Variants in NAV1 observed in about 807,000 individuals in gnomAD.
NAV1 encodes neuron navigator 1, also known as pore membrane and/or filament interacting like protein 3.
Under a neutral mutation model 175.2 loss-of-function variants are expected in NAV1, and 18 were observed. That is an observed-to-expected ratio of 0.10 (90% confidence interval 0.07 to 0.15). The LOEUF (loss-of-function observed/expected upper bound fraction) is 0.15. Ranked by LOEUF, NAV1 falls within the 10% of genes least tolerant of loss-of-function variation. The pLI, the probability that NAV1 is intolerant of heterozygous loss-of-function variation, is 1.00. For synonymous variants in NAV1, 897 were observed against 978.7 expected, an observed-to-expected ratio of 0.92 and a Z score of 1.56; for missense variants, 1,731 against 2,436.6, an observed-to-expected ratio of 0.71 and a Z score of 6.10.
intron 2 of NAV1, among the ~76,000 whole-genome samples, chr1:201,612,540 G>A (rs148264472): frequency 2.3e-4 from 35 of 152,356 alleles, no homozygotes; most frequent in African/African-American, 8.2e-4. Flanking sequence ...GGTGCCAGCA[G>A]ATTTGGTGTC....
At position 201,671,754 on chromosome 1, in the gene NAV1, C is replaced by T. The variant is rs1008924816; in HGVS notation, c.757+22329C>T. On this transcript the variant is annotated intron_variant, in intron 1 of 29. Transcript: ENST00000367296. Reference sequence around the variant, plus strand: ...ATCTCCTAGCTATCTGGTCAGCAGACCTGGCCATAAGGGGCTCTGGTCTGG... The same window carrying T: ...ATCTCCTAGCTATCTGGTCAGCAGATCTGGCCATAAGGGGCTCTGGTCTGG... Among the ~76,000 whole-genome samples, 39 of 152,286 alleles carry T rather than the reference C, an allele frequency of 2.6e-4. 1 individual carries two copies. The highest frequency in any genetic ancestry group is 2.5e-3 in the Admixed American group (38 of 15,300).
intron 2 of NAV1, among the ~76,000 whole-genome samples, chr1:201,633,412 C>T (rs904091991): frequency 6.6e-6 from 1 of 152,162 alleles, no homozygotes; most frequent in Non-Finnish European, 1.5e-5. Context: ...TGTCTGAGGA[C>T]ATCCAGCTAG....
In NAV1 at chr1:201,553,479, C is replaced by T. The variant is rs145054714; in HGVS notation, c.-144+14137C>T. ...AAGGCCAGCCACTGTGTGTTCCAAC[C>T]GAGAAGGAGGGAATCCTTTTCTCTT... On this transcript the variant is annotated intron_variant, in intron 1 of 33. Transcript: ENST00000685211. Among the ~76,000 whole-genome samples the T allele has an allele frequency of 2.6e-3, 396 of 152,366 alleles. 2 individuals are homozygous for T. Among genetic ancestry groups the T allele is most frequent in the African/African-American group, 8.5e-3 (354 of 41,592 alleles).
At chr1:201,711,091 G>A (rs1210572723) in intron 1 of NAV1, among the ~76,000 whole-genome samples, 2 of 152,250 alleles carry the variant, frequency 1.3e-5, no homozygotes, top group Admixed American at 6.5e-5. Context: ...AAGCCATGGA[G>A]CAGCTTACAA....
intron 2 of NAV1, among the ~76,000 whole-genome samples, chr1:201,716,504 T>G (rs1672147447): frequency 6.6e-6 from 1 of 152,198 alleles, no homozygotes; most frequent in African/African-American, 2.4e-5. Context: ...CAAGGAGATG[T>G]GATGTCTAGG....
intron 3 of NAV1, among the ~76,000 whole-genome samples, chr1:201,744,312 G>C (rs866711963): frequency 4.8e-5 from 7 of 145,578 alleles, no homozygotes; most frequent in African/African-American, 1.9e-4. Flanking sequence ...ATGTATGTAT[G>C]TATGTATTTA....
rs772154366 is a variant in NAV1, at chr1:201,786,475, C to T, written c.2893C>T (p.His965Tyr). The T allele has an allele frequency of 8.7e-6, 14 of 1,613,892 alleles. No individual in the cohort carries two copies. Among genetic ancestry groups the T allele is most frequent in the Non-Finnish European group, 8.5e-7 (1 of 1,179,948 alleles). The change falls in exon 9 of 30, where the codon CAT becomes TAT. Residue 965 changes from histidine to tyrosine, a missense_variant. Transcript: ENST00000367296. ...GGAGACCAAGGAGAGGCGACATTCC[C>T]ATACCATTGGTGGGCTGCCTGAATC...
Position 201,794,597 on chromosome 1 carries a change from A to T in NAV1, c.3517+20A>T, listed in dbSNP as rs376360828. ...CCAAAGGTAGGACATCCAGCCACAG[A>T]TTGAGAGGGAACAGGGAGCAGGAAA... is the stretch of plus-strand genomic sequence containing the variant. On this transcript the variant is annotated intron_variant, in intron 15 of 29. Transcript: ENST00000367296. 5.4e-5 allele frequency: 86 copies of T among 1,590,094 alleles called. No individual in the cohort carries two copies. Among genetic ancestry groups the T allele is most frequent in the Non-Finnish European group, 7.0e-5 (81 of 1,158,184 alleles).
exon 30 of NAV1, chr1:201,825,327 T>TA (rs34414134): frequency 0.32 from 44,141 of 138,558 alleles, 6,688 homozygotes; most frequent in Non-Finnish European, 0.36. Flanking sequence ...ATGGAAAAAG[T>TA]AAAAAAAAAA....
chr1:201,790,547 T>C lies in NAV1; in HGVS notation c.3220-7T>C. 6.2e-7 allele frequency: 1 copy of C among 1,614,052 alleles called. No individual in the cohort carries two copies. The highest frequency in any genetic ancestry group is 8.5e-7 in the Non-Finnish European group (1 of 1,179,970). ...CTCTTTCTCTCCTTCTGTGCTCCCTTCTTCAGGCTGAGGAGAGGATGCAAT... is the reference window on the plus strand; with the variant it reads ...CTCTTTCTCTCCTTCTGTGCTCCCTCCTTCAGGCTGAGGAGAGGATGCAAT... On this transcript the variant is annotated splice_polypyrimidine_tract_variant and splice_region_variant and intron_variant, in intron 11 of 29. Coordinates refer to ENST00000367296, the Ensembl canonical transcript of NAV1.
chr1:201,692,984 G>A (rs1375706949), intron 1 of NAV1, among the ~76,000 whole-genome samples: 4 of 152,218 alleles, frequency 2.6e-5, no homozygotes, highest in Admixed American at 6.5e-5. Context: ...GGCAGGGCAG[G>A]AGAGAGAAGG....
Position 201,719,879 on chromosome 1 carries a change from C to T in NAV1, c.1226+1124C>T, listed in dbSNP as rs540241780. On this transcript the variant is annotated intron_variant, in intron 3 of 29. Transcript: ENST00000367296. ...GAAAGTAGCCTCTCCTCGGAAAAGACGAGAGCCAAGCTCCAGGCCATCCAC... is the reference window on the plus strand; with the variant it reads ...GAAAGTAGCCTCTCCTCGGAAAAGATGAGAGCCAAGCTCCAGGCCATCCAC... 3.1e-3 allele frequency among the ~76,000 whole-genome samples: 465 copies of T among 152,246 alleles called. 3 individuals are homozygous for T. Among genetic ancestry groups the T allele is most frequent in the African/African-American group, 0.011 (456 of 41,540 alleles).
intron 1 of NAV1, among the ~76,000 whole-genome samples, chr1:201,668,353 T>A (rs1489689301): frequency 1.3e-5 from 2 of 152,162 alleles, no homozygotes; most frequent in Non-Finnish European, 2.9e-5. Context: ...AAAAGGTGAT[T>A]TTTTAAGGAT....
intron 3 of NAV1, among the ~76,000 whole-genome samples, chr1:201,723,089 C>T (rs1025898254): frequency 1.3e-5 from 2 of 152,120 alleles, no homozygotes; most frequent in African/African-American, 2.4e-5. Context: ...CCAGCCTGGG[C>T]GACAGAGCGA....
chr1:201,642,525 T>TTTTTCTTTCTTTC lies in NAV1; in HGVS notation c.5-6106_5-6105insTCTTTCTTTCTTT, dbSNP rs1553247053. On this transcript the variant is annotated intron_variant, in intron 2 of 29. Coordinates refer to the NAV1 transcript ENST00000367302. ...CCGCACCCGGCCTCTTTCTTTCTTTTTTTCTTTCTTTCTTTCTTTCTTTCT... is the reference window on the plus strand; with the variant it reads ...CCGCACCCGGCCTCTTTCTTTCTTTTTTTTCTTTCTTTCTTTCTTTCTTTCTTTCTTTCTTTCT... Among the ~76,000 whole-genome samples, 561 of 100,394 alleles carry TTTTTCTTTCTTTC rather than the reference T, an allele frequency of 5.6e-3. 15 individuals are homozygous for TTTTTCTTTCTTTC. The highest frequency in any genetic ancestry group is 0.022 in the African/African-American group (505 of 23,208). The allele number at this position is 100,394 out of a possible 152,430, so 65.9% of individuals were successfully genotyped here. A position where few individuals can be genotyped will look rare whatever the true frequency, so the allele number is the denominator to read the frequency against.
exon 30 of NAV1, chr1:201,826,480 C>T (rs539505007): frequency 6.6e-5 from 10 of 152,320 alleles, no homozygotes; most frequent in Non-Finnish European, 1.0e-4. Flanking sequence ...TTCCCCGCCT[C>T]CATACTGTTT....
intron 2 of NAV1, among the ~76,000 whole-genome samples, chr1:201,713,141 G>A (rs1196819577): frequency 1.3e-5 from 2 of 152,178 alleles, no homozygotes; most frequent in Non-Finnish European, 2.9e-5. Flanking sequence ...TTTCATTTCA[G>A]CAAATCAGCT....
At chr1:201,821,212 T>G (rs1304852245) in exon 30 of NAV1, 1 of 152,654 alleles carries the variant, frequency 6.6e-6, no homozygotes, top group Non-Finnish European at 1.5e-5. Context: ...AGTTTGGCCT[T>G]TCACTGCACT....
chr1:201,776,430 A>G (rs1675949184), intron 3 of NAV1, among the ~76,000 whole-genome samples: 1 of 151,890 alleles, frequency 6.6e-6, no homozygotes, highest in South Asian at 2.1e-4. Flanking sequence ...TGACGAGGTC[A>G]AGAGATCGAG....
Sources: gnomAD v4.1 joint callset for allele counts (sites outside exome capture counted in the v4.1 genomes callset) on GRCh38, gnomAD v4.1.1 for gene constraint, MANE v1.5 for transcripts, NCBI Gene and HGNC (gene_info 2026-07-23, HGNC 2026-07-21) for gene names.